The following ADGRG6 variants were observed in gnomAD, a reference collection of about 807,000 sequenced individuals.
ADGRG6 encodes the protein G-protein coupled receptor 126.
A neutral mutation model predicts 142.4 loss-of-function variants in ADGRG6; 84 were observed. The observed-to-expected ratio is 0.59, with a 90% CI of 0.49 to 0.71. The LOEUF is 0.71. Among genes scored for constraint, ADGRG6 ranks in the 30% least tolerant of loss-of-function variants. ADGRG6 has a pLI of 0.00. For synonymous variants in ADGRG6, 521 were observed against 520.5 expected (o/e 1.00, Z -0.01); for missense variants, 1,367 against 1,466.6 (o/e 0.93, Z 1.11).
At chr6:142,390,431 A>G (rs991085900) in intron 7 of ADGRG6, 88 bp downstream of exon 7, 4 of 669,688 alleles carry the variant, frequency 6.0e-6, no homozygotes, top group Non-Finnish European at 1.1e-5. Flanking sequence ...TCCACAGATC[A>G]TACTGAAACA....
Position 142,393,971 on chromosome 6 carries a change from A to G in ADGRG6, c.1424+13A>G. ...AGGATGAGCCAAGGTAACAGGACAA[A>G]GTATTGTAAAGAGTATAACATTCTT... On this transcript the variant is annotated intron_variant, in intron 9 of 24. Transcript: ENST00000367609. 1 of 1,472,400 alleles carries G rather than the reference A, an allele frequency of 6.8e-7. No homozygotes were observed. Among genetic ancestry groups the G allele is most frequent in the Non-Finnish European group, 9.3e-7 (1 of 1,071,998 alleles). The allele number at this position is 1,472,400 out of a possible 1,614,324, so 91.2% of individuals were successfully genotyped here.
At chr6:142,338,620 AAATT>A (rs1309486796) in intron 2 of ADGRG6, among the ~76,000 whole-genome samples, 2 of 152,004 alleles carry the variant, frequency 1.3e-5, no homozygotes, top group Non-Finnish European at 2.9e-5. Context: ...TAATATGTCT[AAATT>A]TATTTTCTTT....
At chr6:142,399,503 T>G (rs1256307445) in intron 10 of ADGRG6, among the ~76,000 whole-genome samples, 6 of 152,168 alleles carry the variant, frequency 3.9e-5, no homozygotes. Context: ...TGGTAGTTTA[T>G]CTATGACTGG....
chr6:142,410,635 G>T (rs572500028), intron 17 of ADGRG6, among the ~76,000 whole-genome samples: 19 of 152,138 alleles, frequency 1.2e-4, no homozygotes, highest in African/African-American at 4.6e-4. Context: ...TTCTTTTTTT[G>T]ATAGTTCTTG....
chr6:142,399,782 T>G (rs1310048219), intron 10 of ADGRG6, among the ~76,000 whole-genome samples: 1 of 152,230 alleles, frequency 6.6e-6, no homozygotes, highest in African/African-American at 2.4e-5. Flanking sequence ...AGAAAACTGA[T>G]ATAACTCACT....
At chr6:142,434,071 C>A (rs766831213) in intron 22 of ADGRG6, among the ~76,000 whole-genome samples, 15 of 152,030 alleles carry the variant, frequency 9.9e-5, no homozygotes, top group Non-Finnish European at 1.9e-4. Context: ...GAAAAAACTT[C>A]TCTACCCTAT....
chr6:142,438,211 G>C lies in ADGRG6; in HGVS notation c.3422-1G>C. On this transcript the variant is annotated splice_acceptor_variant, in intron 23 of 24. Coordinates refer to ENST00000367609, the MANE Select transcript of ADGRG6 (RefSeq NM_198569.3). LOFTEE classifies it high-confidence loss of function. ...TAGGGTGATGTCATTTTTTTTTTCA[G>C]ATTGGAGTAAGACAGCTACCAATAT... 1 of 1,558,414 alleles carries C rather than the reference G, an allele frequency of 6.4e-7. No homozygotes were observed. The highest frequency in any genetic ancestry group is 8.7e-7 in the Non-Finnish European group (1 of 1,154,430).
chr6:142,381,053 C>T (rs889986435), intron 4 of ADGRG6, among the ~76,000 whole-genome samples: 10 of 152,152 alleles, frequency 6.6e-5, no homozygotes, highest in African/African-American at 2.4e-4. Flanking sequence ...GAAACCATGC[C>T]TCTGGAGATA....
intron 6 of ADGRG6, among the ~76,000 whole-genome samples, chr6:142,387,010 G>C (rs1782061736): frequency 6.6e-6 from 1 of 152,204 alleles, no homozygotes; most frequent in South Asian, 2.1e-4. Context: ...GCCAGGCATT[G>C]AGTCGTCTCC....
At chr6:142,402,428 A>G (rs997945199) in intron 12 of ADGRG6, among the ~76,000 whole-genome samples, 192 bp from the exon 13 acceptor site, 1 of 152,134 alleles carries the variant, frequency 6.6e-6, no homozygotes, top group Non-Finnish European at 1.5e-5. Context: ...GTATCTTACT[A>G]AAGAGAGAAG....
At chr6:142,392,122 A>AT (rs34113150) in intron 7 of ADGRG6, among the ~76,000 whole-genome samples, 25 of 151,810 alleles carry the variant, frequency 1.6e-4, no homozygotes, top group Admixed American at 2.6e-4. Context: ...ATAATTTAAC[A>AT]TTTTTTTTGC....
At chr6:142,338,430 G>T (rs1328506825) in intron 2 of ADGRG6, among the ~76,000 whole-genome samples, 1 of 151,274 alleles carries the variant, frequency 6.6e-6, no homozygotes, top group Non-Finnish European at 1.5e-5. Context: ...GTAGTTCAAT[G>T]ATTTCTTTTT....
At position 142,413,016 on chromosome 6, in the gene ADGRG6, A is replaced by G. The variant is rs1047598031; in HGVS notation, c.2541+1605A>G. 2.1e-5 allele frequency among the ~76,000 whole-genome samples: 3 copies of G among 141,570 alleles called. No homozygotes were observed. The Admixed American group carries it at 2.1e-4, about 10-fold the overall frequency. 92.9% of individuals were successfully genotyped at this position (141,570 alleles called of 152,430 possible). A position where few individuals can be genotyped will look rare whatever the true frequency, so the allele number is the denominator to read the frequency against. Reference sequence around the variant, plus strand: ...GCATTATTTTTTCTGCTGCTATCTGATTGAATGGTTAATTATATATATATA... The same window carrying G: ...GCATTATTTTTTCTGCTGCTATCTGGTTGAATGGTTAATTATATATATATA... On this transcript the variant is annotated intron_variant, in intron 18 of 24. Coordinates refer to ENST00000367609, the MANE Select transcript of ADGRG6 (RefSeq NM_198569.3).
chr6:142,305,669 C>T (rs1016501944), intron 1 of ADGRG6, among the ~76,000 whole-genome samples: 1 of 152,136 alleles, frequency 6.6e-6, no homozygotes, highest in Non-Finnish European at 1.5e-5. Flanking sequence ...TATATTGACA[C>T]AATTTACTTC....
chr6:142,411,716 A>G (rs1776097722), intron 18 of ADGRG6, among the ~76,000 whole-genome samples: 1 of 152,192 alleles, frequency 6.6e-6, no homozygotes, highest in Admixed American at 6.6e-5. Flanking sequence ...AACAGAGTCA[A>G]AGAGATGGAC....
intron 22 of ADGRG6, among the ~76,000 whole-genome samples, chr6:142,431,432 A>C (rs1193540212): frequency 6.6e-6 from 1 of 152,196 alleles, no homozygotes; most frequent in South Asian, 2.1e-4. Flanking sequence ...TTTCAGGATG[A>C]TGTAAAAGCT....
intron 22 of ADGRG6, among the ~76,000 whole-genome samples, chr6:142,428,398 C>T (rs532525763): frequency 6.6e-6 from 1 of 152,186 alleles, no homozygotes; most frequent in Non-Finnish European, 1.5e-5. Context: ...CAAATGACAT[C>T]ATGAATTGAA....
chr6:142,354,451 C>A (rs1051368714), intron 2 of ADGRG6, among the ~76,000 whole-genome samples: 1 of 152,134 alleles, frequency 6.6e-6, no homozygotes, highest in Non-Finnish European at 1.5e-5. Flanking sequence ...CTCAGTTTGT[C>A]AGTTACACAT....
chr6:142,397,715 T>G lies in ADGRG6; in HGVS notation c.1527T>G (p.Asp509Glu). ...TCCTAAAAAATAATGAGTCCTTGGA[T>G]GAAGGCTTGAGGCTACATACAGTGA... Reference protein sequence around the residue: ...QKLLKNNESLDEGLRLHTVNV... With the variant: ...QKLLKNNESLEEGLRLHTVNV... The change falls in exon 10 of 25, where the codon GAT becomes GAG. Residue 509 changes from aspartate (D) to glutamate (E), a missense_variant. Asp to Glu is a conservative substitution (Grantham distance 45, BLOSUM62 2). Around this residue, in one of 3 missense-constraint regions of ADGRG6, gnomAD observed 737 missense variants for 746.5 expected, o/e 0.99. Transcript: ENST00000367609. The G allele has an allele frequency of 6.2e-7, 1 of 1,607,340 alleles. No homozygotes were observed. Among genetic ancestry groups the G allele is most frequent in the Non-Finnish European group, 8.5e-7 (1 of 1,176,852 alleles).
Sources: allele counts gnomAD v4.1 joint callset (sites outside exome capture counted in the v4.1 genomes callset), GRCh38; gene constraint gnomAD v4.1.1; regional missense constraint gnomAD v4.1.1; transcripts MANE v1.5; gene names NCBI Gene and HGNC (gene_info 2026-07-23, HGNC 2026-07-21).